KIAA1549L: variants seen among roughly 807,000 people sequenced by gnomAD.
The protein encoded by KIAA1549L is KIAA1549 like.
KIAA1549L carries 88 observed loss-of-function variants against 160.7 expected under a neutral mutation model. The observed-to-expected ratio is 0.55, with a 90% CI of 0.46 to 0.65. The LOEUF is 0.65. Ranked by LOEUF, KIAA1549L falls within the 30% of genes least tolerant of loss-of-function variation. KIAA1549L has a pLI of 0.00. For missense variants in KIAA1549L, 2,258 were observed against 2,437.5 expected (o/e 0.93, Z 1.55); for synonymous variants, 950 against 976.7 (o/e 0.97, Z 0.51).
chr11:33,392,730 CA>C (rs892333976), intron 1 of KIAA1549L, among the ~76,000 whole-genome samples: 14 of 152,272 alleles, frequency 9.2e-5, no homozygotes, highest in African/African-American at 3.4e-4. Flanking sequence ...ACCAGATTGC[CA>C]GTTTTCTTTG....
At position 33,577,833 on chromosome 11, in the gene KIAA1549L, G is replaced by A. The variant is rs558991105; in HGVS notation, c.4402+2960G>A. 3.9e-5 allele frequency among the ~76,000 whole-genome samples: 6 copies of A among 152,102 alleles called. No individual in the cohort carries two copies. The South Asian group carries it at 1.0e-3, about 26-fold the overall frequency. On this transcript the variant is annotated intron_variant, in intron 10 of 20. Coordinates refer to ENST00000658780, the MANE Select transcript of KIAA1549L (RefSeq NM_012194.3). Reference sequence around the variant, plus strand: ...AGGTCCTTTGAAGCTCCCCTTCCTCGCTGCAGTCACCTCAGGGCCCCAAGA... The same window carrying A: ...AGGTCCTTTGAAGCTCCCCTTCCTCACTGCAGTCACCTCAGGGCCCCAAGA...
intron 1 of KIAA1549L, among the ~76,000 whole-genome samples, chr11:33,459,002 A>G (rs893072734): frequency 6.6e-6 from 1 of 152,200 alleles, no homozygotes; most frequent in Non-Finnish European, 1.5e-5. Flanking sequence ...CTTTTAAATA[A>G]CATGTTTATT....
intron 1 of KIAA1549L, among the ~76,000 whole-genome samples, chr11:33,480,559 A>G (rs1038291168): frequency 6.6e-6 from 1 of 152,130 alleles, no homozygotes; most frequent in Admixed American, 6.6e-5. Context: ...CATGGGTTAT[A>G]TGGTAACTGT....
intron 16 of KIAA1549L, among the ~76,000 whole-genome samples, chr11:33,630,263 G>A (rs1313750578): frequency 1.3e-5 from 2 of 152,258 alleles, no homozygotes; most frequent in African/African-American, 4.8e-5. Flanking sequence ...CAGAGGTGGA[G>A]CCTGCAGAGG....
At chr11:33,587,687 T>C (rs769995617) in intron 11 of KIAA1549L, among the ~76,000 whole-genome samples, 2 of 152,216 alleles carry the variant, frequency 1.3e-5, no homozygotes, top group Non-Finnish European at 2.9e-5. Context: ...TTTGTGTATA[T>C]CCATCATTGA....
At chr11:33,476,387 T>A (rs1590273406) in intron 1 of KIAA1549L, among the ~76,000 whole-genome samples, 1 of 152,080 alleles carries the variant, frequency 6.6e-6, no homozygotes, top group Admixed American at 6.5e-5. Context: ...AAGCCACGGG[T>A]CAAATTCAAA....
At chr11:33,441,901 C>T (rs1446256567) in intron 1 of KIAA1549L, among the ~76,000 whole-genome samples, 1 of 152,104 alleles carries the variant, frequency 6.6e-6, no homozygotes, top group African/African-American at 2.4e-5. Flanking sequence ...GTTTCTTTTG[C>T]TGTGCAGAAG....
intron 1 of KIAA1549L, among the ~76,000 whole-genome samples, chr11:33,404,506 G>A (rs539409827): frequency 2.0e-5 from 3 of 152,030 alleles, no homozygotes; most frequent in East Asian, 1.9e-4. Flanking sequence ...CAGCCTGGGC[G>A]ACAGAGCGAG....
chr11:33,649,505 TAAAAAAAAA>T (rs34818689), intron 17 of KIAA1549L, among the ~76,000 whole-genome samples: 1 of 124,798 alleles, frequency 8.0e-6, no homozygotes, highest in African/African-American at 3.0e-5. Context: ...GTCTCTATTG[TAAAAAAAAA>T]AAAAAAAAAA....
intron 1 of KIAA1549L, among the ~76,000 whole-genome samples, chr11:33,450,136 T>C (rs1851689814): frequency 6.6e-6 from 1 of 152,220 alleles, no homozygotes; most frequent in Non-Finnish European, 1.5e-5. Flanking sequence ...CATTTAGTTA[T>C]AACCTCAAAT....
At chr11:33,403,052 G>A (rs974100113) in intron 1 of KIAA1549L, among the ~76,000 whole-genome samples, 1 of 152,138 alleles carries the variant, frequency 6.6e-6, no homozygotes, top group Non-Finnish European at 1.5e-5. Flanking sequence ...AACAGAGTAA[G>A]ATTATGGTTT....
chr11:33,552,969 C>A (rs531266297), intron 6 of KIAA1549L, among the ~76,000 whole-genome samples: 1 of 152,084 alleles, frequency 6.6e-6, no homozygotes, highest in South Asian at 2.1e-4. Context: ...CAACAGAATT[C>A]TTTCCCAGGG....
intron 20 of KIAA1549L, among the ~76,000 whole-genome samples, chr11:33,662,073 CT>C (rs920401003): frequency 7.9e-5 from 12 of 152,172 alleles, no homozygotes; most frequent in Admixed American, 5.9e-4. Flanking sequence ...TGTAATTTGC[CT>C]TTTATGAATG....
chr11:33,543,560 C>G lies in KIAA1549L; in HGVS notation c.1997C>G (p.Ser666Cys). ...VDHSGLPASA[S>C]KQVRASPSSM... ...CATTCTGGGTTGCCAGCTTCAGCTT[C>G]CAAACAGGTGAGAGCATCGCCCTCC... Residue 666 changes from serine (S) to cysteine (C), a missense_variant, in exon 2 of 21, where the codon TCC becomes TGC. Ser to Cys is a moderately radical substitution (Grantham distance 112, BLOSUM62 -1). Coordinates refer to ENST00000658780, the MANE Select transcript of KIAA1549L (RefSeq NM_012194.3). The G allele has an allele frequency of 6.2e-7, 1 of 1,614,032 alleles. No individual in the cohort carries two copies. The highest frequency in any genetic ancestry group is 8.5e-7 in the Non-Finnish European group (1 of 1,179,898).
intron 8 of KIAA1549L, among the ~76,000 whole-genome samples, 197 bp from the exon 9 acceptor site, chr11:33,567,879 T>C (rs1855102546): frequency 6.6e-6 from 1 of 152,222 alleles, no homozygotes; most frequent in Non-Finnish European, 1.5e-5. Flanking sequence ...ACTTAATCTT[T>C]TCAGCATCTA....
chr11:33,590,908 T>C (rs779124856), intron 11 of KIAA1549L, among the ~76,000 whole-genome samples: 1 of 152,180 alleles, frequency 6.6e-6, no homozygotes, highest in Non-Finnish European at 1.5e-5. Flanking sequence ...ATTAATTGAG[T>C]TGTTTCTCAT....
intron 4 of KIAA1549L, among the ~76,000 whole-genome samples, chr11:33,550,327 T>C (rs1040758144): frequency 2.7e-5 from 4 of 150,260 alleles, no homozygotes; most frequent in African/African-American, 9.8e-5. Context: ...ATATTTAATA[T>C]ATAAAAACCA....
intron 1 of KIAA1549L, among the ~76,000 whole-genome samples, chr11:33,409,919 A>G (rs1850753863): frequency 6.6e-6 from 1 of 152,214 alleles, no homozygotes; most frequent in African/African-American, 2.4e-5. Context: ...TACTTAAAAC[A>G]GTCAGAAAAA....
chr11:33,654,433 C>A (rs762039864), intron 17 of KIAA1549L, among the ~76,000 whole-genome samples: 5 of 152,184 alleles, frequency 3.3e-5, no homozygotes, highest in African/African-American at 4.8e-5. Flanking sequence ...TCATGAGCTC[C>A]ACTTGCTTCA....
Sources: gnomAD v4.1 joint callset for allele counts (sites outside exome capture counted in the v4.1 genomes callset) on GRCh38, gnomAD v4.1.1 for gene constraint, MANE v1.5 for transcripts, NCBI Gene and HGNC (gene_info 2026-07-23, HGNC 2026-07-21) for gene names.